MBOAT2: variants seen among roughly 807,000 people sequenced by gnomAD.
The protein encoded by MBOAT2 is membrane-bound glycerophospholipid O-acyltransferase 2.
In MBOAT2, 28 loss-of-function variants were observed where a neutral mutation model predicts 63.4. The ratio of observed to expected loss-of-function variants is 0.44; its 90% CI spans 0.33 to 0.61. The LOEUF is 0.61. MBOAT2 is among the 20% of genes least tolerant of loss of function. The pLI, the probability that MBOAT2 is intolerant of heterozygous loss-of-function variation, is 0.03. For missense variants in MBOAT2, 470 were observed against 605.8 expected, an observed-to-expected ratio of 0.78 and a Z score of 2.35; for synonymous variants, 211 against 215.6, an observed-to-expected ratio of 0.98 and a Z score of 0.19.
At chr2:8,865,615 C>T (rs976423518) in intron 9 of MBOAT2, among the ~76,000 whole-genome samples, 2 of 152,226 alleles carry the variant, frequency 1.3e-5, no homozygotes, top group African/African-American at 4.8e-5. Context: ...CAAACAGCTC[C>T]CCTCAATTCC....
At chr2:8,952,336 G>C (rs1308344885) in intron 2 of MBOAT2, among the ~76,000 whole-genome samples, 1 of 152,182 alleles carries the variant, frequency 6.6e-6, no homozygotes, top group African/African-American at 2.4e-5. Flanking sequence ...CTTTATGCCT[G>C]AGCATGTGGT....
At chr2:8,921,515 C>T (rs1424220073) in intron 3 of MBOAT2, among the ~76,000 whole-genome samples, 2 of 152,058 alleles carry the variant, frequency 1.3e-5, no homozygotes, top group African/African-American at 4.8e-5. Flanking sequence ...CCATATTTAC[C>T]CACCTATTTA....
At chr2:8,955,951 A>C (rs947399702) in intron 2 of MBOAT2, among the ~76,000 whole-genome samples, 1 of 152,232 alleles carries the variant, frequency 6.6e-6, no homozygotes, top group Non-Finnish European at 1.5e-5. Context: ...TTTTTTACCA[A>C]TAAAAAATTT....
chr2:8,902,792 A>G (rs1371680870), intron 4 of MBOAT2, among the ~76,000 whole-genome samples: 1 of 152,214 alleles, frequency 6.6e-6, no homozygotes. Context: ...GGACCCAAAG[A>G]GTGAGCAGCA....
At chr2:8,986,938 G>T (rs1671612995) in intron 1 of MBOAT2, among the ~76,000 whole-genome samples, 1 of 152,182 alleles carries the variant, frequency 6.6e-6, no homozygotes, top group Non-Finnish European at 1.5e-5. Flanking sequence ...ACAGCCTCTG[G>T]ATCTGCGAGA....
chr2:8,950,338 A>T (rs757283323), intron 2 of MBOAT2, among the ~76,000 whole-genome samples: 1 of 152,174 alleles, frequency 6.6e-6, no homozygotes, highest in Non-Finnish European at 1.5e-5. Context: ...TGCTGTGGCT[A>T]GCACTTCCAG....
At chr2:8,869,769 C>T (rs771071408) in intron 8 of MBOAT2, among the ~76,000 whole-genome samples, 1 of 152,158 alleles carries the variant, frequency 6.6e-6, no homozygotes, top group African/African-American at 2.4e-5. Context: ...ATCTATTAAC[C>T]GCATGGGCAG....
At chr2:8,873,384 C>A in intron 7 of MBOAT2, 84 bp from the exon 8 acceptor site, 1 of 1,340,918 alleles carries the variant, frequency 7.5e-7, no homozygotes, top group South Asian at 1.5e-5. Context: ...ATTAATCTTC[C>A]TGAATGGATC....
intron 3 of MBOAT2, among the ~76,000 whole-genome samples, chr2:8,913,091 G>A (rs1318103378): frequency 1.3e-5 from 2 of 151,946 alleles, no homozygotes; most frequent in Non-Finnish European, 2.9e-5. Context: ...GTAAAATGAG[G>A]AAAGGACACC....
At chr2:8,879,075 C>CA (rs58971939) in intron 6 of MBOAT2, among the ~76,000 whole-genome samples, 1,768 of 58,098 alleles carry the variant, frequency 0.03, 23 homozygotes, top group African/African-American at 0.068. Flanking sequence ...GACTCCGTCT[C>CA]AAAAAAAAAA....
chr2:8,953,368 AT>A (rs1268457456), intron 2 of MBOAT2, among the ~76,000 whole-genome samples: 1 of 152,048 alleles, frequency 6.6e-6, no homozygotes, highest in African/African-American at 2.4e-5. Context: ...TGCCTTTAAG[AT>A]TTTTTTCTTT....
intron 6 of MBOAT2, among the ~76,000 whole-genome samples, chr2:8,877,850 G>A (rs930837105): frequency 6.6e-6 from 1 of 152,142 alleles, no homozygotes; most frequent in Non-Finnish European, 1.5e-5. Flanking sequence ...AGCTGGGCAC[G>A]GCTGGCAGCA....
intron 1 of MBOAT2, among the ~76,000 whole-genome samples, chr2:8,979,449 C>T (rs564330671): frequency 1.1e-3 from 162 of 152,056 alleles, no homozygotes; most frequent in Middle Eastern, 3.4e-3. Context: ...TCTAGGAAAT[C>T]GTTAAAATAA....
chr2:8,898,655 G>C (rs1460004961), intron 4 of MBOAT2, among the ~76,000 whole-genome samples: 1 of 152,230 alleles, frequency 6.6e-6, no homozygotes, highest in Non-Finnish European at 1.5e-5. Flanking sequence ...CCTAGATCTT[G>C]GGCCAGTGCC....
chr2:8,908,563 T>G (rs2148587878), intron 4 of MBOAT2, 58 bp downstream of exon 4: 1 of 956,334 alleles, frequency 1.0e-6, no homozygotes, highest in Non-Finnish European at 1.6e-6. Flanking sequence ...TATTTTGTCC[T>G]TTAACCACCT....
At chr2:8,949,661 CT>C (rs1668676999) in intron 2 of MBOAT2, among the ~76,000 whole-genome samples, 1 of 151,996 alleles carries the variant, frequency 6.6e-6, no homozygotes, top group African/African-American at 2.4e-5. Context: ...AGGTGTGTGG[CT>C]TTATTTTGCA....
intron 1 of MBOAT2, among the ~76,000 whole-genome samples, chr2:8,974,010 G>A (rs966225158): frequency 1.3e-5 from 2 of 152,256 alleles, no homozygotes; most frequent in Middle Eastern, 3.4e-3. Context: ...TACATGAAGT[G>A]AATGGAATGA....
In MBOAT2 at chr2:8,858,428, C is replaced by T. The variant is rs1490401701; in HGVS notation, c.*251G>A. ...CAGGGCACGCGTGTGACCCTACGGA[C>T]AAGTGCTGAGGTTGGGAGTGCCCAC... On this transcript the variant is annotated 3_prime_UTR_variant, in exon 13 of 13. Coordinates refer to ENST00000305997, the MANE Select transcript of MBOAT2 (RefSeq NM_138799.4). The T allele has an allele frequency of 1.9e-5, 8 of 411,780 alleles. No individual in the cohort carries two copies. The highest frequency in any genetic ancestry group is 3.5e-5 in the Non-Finnish European group (8 of 230,426). The allele number at this position is 411,780 out of a possible 1,614,324, so 25.5% of individuals were successfully genotyped here.
chr2:9,003,621 G>T lies in MBOAT2; in HGVS notation c.-7C>A, dbSNP rs548125189. 1.3e-5 allele frequency: 15 copies of T among 1,175,710 alleles called. No homozygotes were observed. The South Asian group carries it at 5.1e-4, about 40-fold the overall frequency. The allele number at this position is 1,175,710 out of a possible 1,614,324, so 72.8% of individuals were successfully genotyped here. ...TGGTGCTGGTGGTGGCCATGGCCGG[G>T]CCTCGGCGCTCCGGCCGCCCGCGCC... On this transcript the variant is annotated 5_prime_UTR_variant, in exon 1 of 13. Coordinates refer to ENST00000305997, the MANE Select transcript of MBOAT2 (RefSeq NM_138799.4). This position sits in a 1 kb window ranked among gnomAD's most constrained non-coding sequence, Gnocchi z 5.4.
Sources: allele counts gnomAD v4.1 joint callset (sites outside exome capture counted in the v4.1 genomes callset), GRCh38; gene constraint gnomAD v4.1.1; non-coding constraint Gnocchi (gnomAD v3.1); transcripts MANE v1.5; gene names NCBI Gene and HGNC (gene_info 2026-07-23, HGNC 2026-07-21).